Variants in DPP6 observed in about 807,000 individuals in gnomAD.
DPP6 encodes dipeptidyl peptidase like 6.
Under a neutral mutation model 122.6 loss-of-function variants are expected in DPP6, and 69 were observed. The ratio of observed to expected loss-of-function variants is 0.56; its 90% CI spans 0.46 to 0.69. The LOEUF (loss-of-function observed/expected upper bound fraction) is 0.69, where lower values mean the gene tolerates loss of function less well. Among genes scored for constraint, DPP6 ranks in the 30% least tolerant of loss-of-function variants. The pLI is 0.00. For synonymous variants in DPP6, 418 were observed against 433.1 expected (o/e 0.97, Z 0.43); for missense variants, 928 against 1,116.9 (o/e 0.83, Z 2.41).
chr7:153,917,741 T>C (rs1054257683), intron 1 of DPP6, among the ~76,000 whole-genome samples: 11 of 152,252 alleles, frequency 7.2e-5, no homozygotes, highest in Admixed American at 7.2e-4. Context: ...GGTGGATAGG[T>C]ACCTGTTTTT....
chr7:154,529,666 A>G (rs1041866648), intron 3 of DPP6, among the ~76,000 whole-genome samples: 10 of 152,214 alleles, frequency 6.6e-5, no homozygotes, highest in African/African-American at 1.9e-4. Context: ...CTGTTTTGCA[A>G]TGAATGAAAA....
intron 7 of DPP6, among the ~76,000 whole-genome samples, chr7:154,696,245 C>T (rs1397874912): frequency 6.6e-6 from 1 of 152,172 alleles, no homozygotes; most frequent in Admixed American, 6.5e-5. Context: ...CCACCCGGGC[C>T]CCTGGGTGTG....
chr7:154,375,326 G>T (rs996253601), intron 1 of DPP6, among the ~76,000 whole-genome samples: 1 of 152,086 alleles, frequency 6.6e-6, no homozygotes, highest in East Asian at 1.9e-4. Flanking sequence ...AATGGCGAGG[G>T]GATGTTGGCC....
intron 1 of DPP6, among the ~76,000 whole-genome samples, chr7:154,404,765 G>A (rs1459130946): frequency 6.6e-6 from 1 of 152,188 alleles, no homozygotes; most frequent in East Asian, 1.9e-4. Flanking sequence ...GTGTTCTGGA[G>A]AGGAAATCAA....
chr7:154,746,236 C>T (rs1186411548), intron 8 of DPP6, among the ~76,000 whole-genome samples: 1 of 152,100 alleles, frequency 6.6e-6, no homozygotes, highest in Admixed American at 6.6e-5. Flanking sequence ...GGAAAAAGCA[C>T]AAAAAGACTG....
intron 3 of DPP6, among the ~76,000 whole-genome samples, chr7:154,523,004 G>A (rs141854747): frequency 6.6e-6 from 1 of 152,286 alleles, no homozygotes; most frequent in African/African-American, 2.4e-5. Flanking sequence ...GATCATCCAG[G>A]GAGAAGCATC....
At chr7:154,775,537 A>C (rs975546977) in intron 10 of DPP6, among the ~76,000 whole-genome samples, 1 of 152,206 alleles carries the variant, frequency 6.6e-6, no homozygotes, top group African/African-American at 2.4e-5. Flanking sequence ...CATGTGTCCA[A>C]GACTTTATTA....
intron 7 of DPP6, among the ~76,000 whole-genome samples, chr7:154,677,198 C>G (rs916515): frequency 0.063 from 9,547 of 152,168 alleles, 337 homozygotes; most frequent in Middle Eastern, 0.088. Context: ...TGGACGGAGC[C>G]CATTCCAAGC....
At position 154,492,890 on chromosome 7, in the gene DPP6, G is replaced by A. The variant is rs567382541; in HGVS notation, c.457+17853G>A. Reference sequence around the variant, plus strand: ...AGATCAGCAGTAAAATCTCACTGAAGGGTTGAGGCTTGTTTTAAACGAGTC... The same window carrying A: ...AGATCAGCAGTAAAATCTCACTGAAAGGTTGAGGCTTGTTTTAAACGAGTC... On this transcript the variant is annotated intron_variant, in intron 3 of 25. Coordinates refer to ENST00000377770, the MANE Select transcript of DPP6 (RefSeq NM_130797.4). 2.0e-5 allele frequency among the ~76,000 whole-genome samples: 3 copies of A among 152,250 alleles called. No individual in the cohort carries two copies. The East Asian group carries it at 5.8e-4, about 29-fold the overall frequency.
At chr7:154,594,737 T>A (rs996225364) in intron 5 of DPP6, among the ~76,000 whole-genome samples, 1 of 152,190 alleles carries the variant, frequency 6.6e-6, no homozygotes, top group Non-Finnish European at 1.5e-5. Flanking sequence ...GAACTTACAG[T>A]AAACGATCAA....
chr7:154,454,702 A>C (rs577590015), intron 2 of DPP6, among the ~76,000 whole-genome samples: 1 of 152,296 alleles, frequency 6.6e-6, no homozygotes, highest in African/African-American at 2.4e-5. Flanking sequence ...CTAACTTCTC[A>C]TACCGTTTAC....
the DPP6 span, among the ~76,000 whole-genome samples, chr7:153,774,278 C>T: frequency 0.04 from 6,135 of 152,230 alleles, 144 homozygotes; most frequent in Non-Finnish European, 0.058. Context: ...GGTGACTCCT[C>T]ATATCAGAGT....
In DPP6 at chr7:154,872,625, C is replaced by T; in HGVS notation, c.1815C>T (p.Asn605=). 6.3e-7 allele frequency: 1 copy of T among 1,599,404 alleles called. No individual in the cohort carries two copies. The part of the protein sequence containing the change: ...EYRDIEIDDY[N]LPMQILKPAT... ...GTGCTGTGCTCTGCTTCTCCCCAGA[C>T]CTGCCCATGCAGATACTGAAGCCAG... Residue 605 remains asparagine (N), a splice_region_variant and synonymous_variant, in exon 19 of 26, where the codon AAC becomes AAT. Transcript: ENST00000377770.
intron 1 of DPP6, among the ~76,000 whole-genome samples, chr7:154,385,404 T>G (rs920809765): frequency 2.0e-5 from 3 of 152,228 alleles, no homozygotes; most frequent in African/African-American, 7.2e-5. Flanking sequence ...GGACTTGAGT[T>G]CTGTGCATCT....
the DPP6 span, among the ~76,000 whole-genome samples, chr7:153,749,209 G>A: frequency 5.3e-5 from 8 of 152,192 alleles, no homozygotes; most frequent in Non-Finnish European, 7.3e-5. The surrounding 1 kb of genome is among the most constrained non-coding windows in gnomAD (Gnocchi z 4.1). Flanking sequence ...CTGTTTTGTA[G>A]ACCCGCGGCC....
At chr7:154,752,738 C>G (rs549420660) in intron 8 of DPP6, among the ~76,000 whole-genome samples, 1 of 152,134 alleles carries the variant, frequency 6.6e-6, no homozygotes, top group Non-Finnish European at 1.5e-5. Flanking sequence ...CAGTGGCGGC[C>G]GCTCTGTTCT....
chr7:154,580,419 G>A (rs986672993), intron 5 of DPP6, among the ~76,000 whole-genome samples: 4 of 152,156 alleles, frequency 2.6e-5, no homozygotes, highest in Admixed American at 1.3e-4. Flanking sequence ...TGAATGGAAC[G>A]TTGCTCACTT....
intron 1 of DPP6, among the ~76,000 whole-genome samples, chr7:154,430,323 C>A (rs939786463): frequency 2.0e-5 from 3 of 152,178 alleles, no homozygotes; most frequent in Admixed American, 2.0e-4. Flanking sequence ...TCAATTCAGG[C>A]TGTTGTAGCA....
chr7:154,375,567 C>G (rs887523662), intron 1 of DPP6, among the ~76,000 whole-genome samples: 1 of 152,054 alleles, frequency 6.6e-6, no homozygotes, highest in Admixed American at 6.6e-5. Flanking sequence ...GATCAGTATC[C>G]TTATAAGAAG....
Sources: allele counts gnomAD v4.1 joint callset (sites outside exome capture counted in the v4.1 genomes callset), GRCh38; gene constraint gnomAD v4.1.1; non-coding constraint Gnocchi (gnomAD v3.1); transcripts MANE v1.5; gene names NCBI Gene and HGNC (gene_info 2026-07-23, HGNC 2026-07-21).